CASKIN2: variants seen among roughly 807,000 people sequenced by gnomAD.
CASKIN2 encodes the protein CASK interacting protein 2.
CASKIN2 carries 41 observed loss-of-function variants against 107.1 expected under a neutral mutation model. The ratio of observed to expected loss-of-function variants is 0.38; its 90% CI spans 0.30 to 0.50. The LOEUF (loss-of-function observed/expected upper bound fraction) is 0.50, where lower values mean the gene tolerates loss of function less well. CASKIN2 is among the 20% of genes least tolerant of loss of function. CASKIN2 has a pLI of 0.92. For missense variants in CASKIN2, 1,546 were observed against 1,657.4 expected, an observed-to-expected ratio of 0.93 and a Z score of 1.17; for synonymous variants, 724 against 705.6, an observed-to-expected ratio of 1.03 and a Z score of -0.41.
chr17:75,515,043 C>T (rs1433564864), intron 1 of CASKIN2, among the ~76,000 whole-genome samples: 13 of 152,202 alleles, frequency 8.5e-5, no homozygotes, highest in African/African-American at 3.1e-4. Flanking sequence ...CCCTCACTCC[C>T]CAAACGTCCC....
Position 75,507,044 on chromosome 17 carries a change from G to A in CASKIN2, c.330C>T (p.Ala110=), listed in dbSNP as rs776861821. The A allele has an allele frequency of 5.5e-5, 89 of 1,612,750 alleles. No individual in the cohort carries two copies. Among genetic ancestry groups the A allele is most frequent in the South Asian group, 2.3e-4 (21 of 91,078 alleles). ...GGGGGATCTGTCCGTCCAGCGAGGC[G>A]GCATTGACAGCCGCAGAGGCGCGCA... is the stretch of plus-strand genomic sequence containing the variant. ...LLLRASAAVN[A]ASLDGQIPLH... The change falls in exon 5 of 20, where the codon GCC becomes GCT. Residue 110 remains alanine (A), a synonymous_variant. Coordinates refer to ENST00000321617, the MANE Select transcript of CASKIN2 (RefSeq NM_020753.5).
rs2053326420 is a variant in CASKIN2, at chr17:75,512,909, A to AC, written c.94+801_94+802insG. Among the ~76,000 whole-genome samples the AC allele has an allele frequency of 2.0e-5, 3 of 151,780 alleles. No homozygotes were observed. The South Asian group carries it at 6.3e-4, about 32-fold the overall frequency. ...AGCAAGACTCCGTCTCAAAAAAAAA[A>AC]AACAGCTATCTTATAGATATCCTCT... On this transcript the variant is annotated intron_variant, in intron 2 of 19. Coordinates refer to ENST00000321617, the MANE Select transcript of CASKIN2 (RefSeq NM_020753.5).
At chr17:75,507,984 T>C in intron 3 of CASKIN2, 1 of 589,092 alleles carries the variant, frequency 1.7e-6, no homozygotes, top group Non-Finnish European at 3.0e-6. Context: ...CAAAGGAATC[T>C]GACCCCAGGA....
At position 75,502,467 on chromosome 17, in the gene CASKIN2, C is replaced by A; in HGVS notation, c.2607G>T (p.Pro869=). 8.6e-7 allele frequency: 1 copy of A among 1,156,298 alleles called. No homozygotes were observed. The highest frequency in any genetic ancestry group is 1.1e-6 in the Non-Finnish European group (1 of 925,298). The allele number at this position is 1,156,298 out of a possible 1,614,324, so 71.6% of individuals were successfully genotyped here. A position where few individuals can be genotyped will look rare whatever the true frequency, so the allele number is the denominator to read the frequency against. Residue 869 remains proline, a synonymous_variant, in exon 18 of 20, where the codon CCG becomes CCT. Transcript: ENST00000321617. The surrounding 1 kb of genome is among the most constrained non-coding windows in gnomAD (Gnocchi z 4.3). ...FALRARRKGP[P]PPPPKRLSSV... is the part of the protein sequence containing the mutation. ...AGCTGAGGCGCTTGGGGGGCGGGGG[C>A]GGGGGGCCTTTGCGCCGGGCCCGCA...
chr17:75,504,358 C>T, intron 13 of CASKIN2, 52 bp from the exon 14 acceptor site: 1 of 1,593,940 alleles, frequency 6.3e-7, no homozygotes, highest in Non-Finnish European at 8.6e-7. Flanking sequence ...GAAGGGGTGC[C>T]CACCCTCGGC....
chr17:75,514,404 G>C (rs2053339240), intron 1 of CASKIN2, among the ~76,000 whole-genome samples, 196 bp from the exon 2 acceptor site: 1 of 152,150 alleles, frequency 6.6e-6, no homozygotes, highest in African/African-American at 2.4e-5. Context: ...TATTGGTGGG[G>C]GGGAGGTGGC....
rs2053223252 is a variant in CASKIN2 at position 75,503,185 on chromosome 17, T to C, written c.1889A>G (p.Glu630Gly). 2.5e-6 allele frequency: 4 copies of C among 1,596,446 alleles called. No homozygotes were observed. Among genetic ancestry groups the C allele is most frequent in the Admixed American group, 1.7e-5 (1 of 58,308 alleles). Residue 630 changes from glutamate (E) to glycine (G), a missense_variant, in exon 18 of 20, where the codon GAG (glutamate) becomes GGG (glycine). Coordinates refer to ENST00000321617, the MANE Select transcript of CASKIN2 (RefSeq NM_020753.5). ...CCGGCGCCCGCCTTCGCTGAGGGCC[T>C]CCCCCTGCAGCAGGCCCCGCCGAAG... Reference protein sequence around the residue: ...AELRRGLLQGEALSEGGRRLA... With the variant: ...AELRRGLLQGGALSEGGRRLA...
rs1598460474 is a variant in CASKIN2 at position 75,501,004 on chromosome 17, G to A, written c.*76C>T. The A allele has an allele frequency of 2.2e-6, 3 of 1,391,482 alleles. No homozygotes were observed. The East Asian group carries it at 7.5e-5, about 35-fold the overall frequency. The allele number at this position is 1,391,482 out of a possible 1,614,324, so 86.2% of individuals were successfully genotyped here. ...CTGACCAGCCCTTGGCCCGTCCCTAGGGTGGCAGGGGCCTCTTCTGTGCTG... is the reference window on the plus strand; with the variant it reads ...CTGACCAGCCCTTGGCCCGTCCCTAAGGTGGCAGGGGCCTCTTCTGTGCTG... On this transcript the variant is annotated 3_prime_UTR_variant, in exon 20 of 20. Coordinates refer to ENST00000321617, the MANE Select transcript of CASKIN2 (RefSeq NM_020753.5).
At chr17:75,507,225 C>T in intron 4 of CASKIN2, 96 bp from the exon 5 acceptor site, 1 of 1,376,468 alleles carries the variant, frequency 7.3e-7, no homozygotes, top group East Asian at 2.5e-5. Context: ...GCTGGGAGGG[C>T]AGAGAGCCCA....
rs749328821 is a variant in CASKIN2, at chr17:75,503,022, G to A, written c.2052C>T (p.Gly684=). ...PELQAAMAGG[G]PEPLPLPPAR... ...CAGGTGGGAGGGGGAGTGGTTCAGGGCCACCCCCTGCCATGGCCGCCTGTA... is the reference window on the plus strand; with the variant it reads ...CAGGTGGGAGGGGGAGTGGTTCAGGACCACCCCCTGCCATGGCCGCCTGTA... The change falls in exon 18 of 20, where the codon GGC becomes GGT. Residue 684 remains glycine (G), a synonymous_variant. Coordinates refer to ENST00000321617, the MANE Select transcript of CASKIN2 (RefSeq NM_020753.5). 1.9e-6 allele frequency: 3 copies of A among 1,602,446 alleles called. No homozygotes were observed. The highest frequency in any genetic ancestry group is 1.1e-5 in the South Asian group (1 of 90,372).
Position 75,505,560 on chromosome 17 carries a change from G to T in CASKIN2, c.927C>A (p.Ile309=). 1.9e-6 allele frequency: 3 copies of T among 1,613,460 alleles called. No homozygotes were observed. Among genetic ancestry groups the T allele is most frequent in the Non-Finnish European group, 2.5e-6 (3 of 1,179,902 alleles). Residue 309 remains isoleucine (I), a synonymous_variant, in exon 10 of 20, where the codon ATC becomes ATA. Coordinates refer to ENST00000321617, the MANE Select transcript of CASKIN2 (RefSeq NM_020753.5). The surrounding 1 kb of genome is among the most constrained non-coding windows in gnomAD (Gnocchi z 5.1). ...TALNVRAGDV[I]TVLEQHPDGR... is the part of the protein sequence containing the mutation. ...ATGCCTGCTTGGGGTCCCTCACCGTGATGACATCCCCTGCCCGGACATTGA... is the reference window on the plus strand; with the variant it reads ...ATGCCTGCTTGGGGTCCCTCACCGTTATGACATCCCCTGCCCGGACATTGA...
rs1393438122 is a variant in CASKIN2 at position 75,503,420 on chromosome 17, C to T, written c.1788G>A (p.Glu596=). 5 of 1,612,722 alleles carry T rather than the reference C, an allele frequency of 3.1e-6. No homozygotes were observed. The highest frequency in any genetic ancestry group is 4.2e-6 in the Non-Finnish European group (5 of 1,179,878). The change falls in exon 17 of 20, where the codon GAG becomes GAA. Residue 596 remains glutamate (E), a synonymous_variant. Coordinates refer to ENST00000321617, the MANE Select transcript of CASKIN2 (RefSeq NM_020753.5). ...TGTTGACCCCAATCTCCTGCAGCTC[C>T]TCCCAGGTGAGGTCGGCCACCAGCC... ...SMGLVADLTW[E]ELQEIGVNKL... is the part of the protein sequence containing the mutation.
Position 75,506,013 on chromosome 17 carries a change from C to G in CASKIN2, c.727-84G>C. ...CTCTCAGCTACCCGGGACATAGGTA[C>G]TATTACCATTTTCCGATTTTACAGA... On this transcript the variant is annotated intron_variant, in intron 8 of 19. Coordinates refer to ENST00000321617, the MANE Select transcript of CASKIN2 (RefSeq NM_020753.5). The surrounding 1 kb of genome is among the most constrained non-coding windows in gnomAD (Gnocchi z 4.8). 1.6e-6 allele frequency: 2 copies of G among 1,215,200 alleles called. No individual in the cohort carries two copies. Among genetic ancestry groups the G allele is most frequent in the East Asian group, 2.5e-5 (1 of 40,362 alleles). The allele number at this position is 1,215,200 out of a possible 1,614,324, so 75.3% of individuals were successfully genotyped here. A position where few individuals can be genotyped will look rare whatever the true frequency, so the allele number is the denominator to read the frequency against.
chr17:75,503,936 T>C lies in CASKIN2; in HGVS notation c.1494A>G (p.Leu498=). ...TGTAGCCCTCCAGCTGGAACTCGCT[T>C]AGCCAGTTATGAATGGCCTGCGCGT... ...GKDAQAIHNW[L]SEFQLEGYTA... is the part of the protein sequence containing the mutation. Residue 498 remains leucine, a synonymous_variant, in exon 15 of 20, where the codon CTA becomes CTG. Transcript: ENST00000321617. 6.2e-7 allele frequency: 1 copy of C among 1,612,666 alleles called. No homozygotes were observed. Among genetic ancestry groups the C allele is most frequent in the Non-Finnish European group, 8.5e-7 (1 of 1,179,888 alleles).
rs1413501021 is a variant in CASKIN2, at chr17:75,503,238, G to A, written c.1836C>T (p.Leu612=). 2 of 1,590,876 alleles carry A rather than the reference G, an allele frequency of 1.3e-6. No individual in the cohort carries two copies. The highest frequency in any genetic ancestry group is 1.7e-6 in the Non-Finnish European group (2 of 1,169,670). Residue 612 remains leucine, a synonymous_variant, in exon 18 of 20, where the codon CTC becomes CTT. Coordinates refer to ENST00000321617, the MANE Select transcript of CASKIN2 (RefSeq NM_020753.5). Reference sequence around the variant, plus strand: ...CCGCCAGCCGCTTCACCCCCAGCATGAGCTTCTTCTGATGCCCTGAGATGG... The same window carrying A: ...CCGCCAGCCGCTTCACCCCCAGCATAAGCTTCTTCTGATGCCCTGAGATGG... The part of the protein sequence containing the change: ...GVNKLGHQKK[L]MLGVKRLAEL...
intron 3 of CASKIN2, 82 bp from the exon 4 acceptor site, chr17:75,507,763 C>T (rs1212387775): frequency 9.2e-7 from 1 of 1,091,908 alleles, no homozygotes; most frequent in African/African-American, 1.6e-5. Flanking sequence ...CCGAACCTAT[C>T]CTGGGGGCTG....
At position 75,502,098 on chromosome 17, in the gene CASKIN2, C is replaced by T. The variant is rs2053200243; in HGVS notation, c.2976G>A (p.Arg992=). The part of the protein sequence containing the change: ...FNLTESDTVK[R]RPKCREREPL... ...GCTCTCTCTCCCGGCACTTGGGCCT[C>T]CGCTTAACAGTGTCTGATTCCGTGA... The change falls in exon 18 of 20, where the codon CGG becomes CGA. Residue 992 remains arginine (R), a synonymous_variant. Transcript: ENST00000321617. This position sits in a 1 kb window ranked among gnomAD's most constrained non-coding sequence, Gnocchi z 4.3. 4 of 1,609,226 alleles carry T rather than the reference C, an allele frequency of 2.5e-6. No homozygotes were observed. Among genetic ancestry groups the T allele is most frequent in the South Asian group, 1.1e-5 (1 of 91,080 alleles).
Position 75,504,967 on chromosome 17 carries a change from C to T in CASKIN2, c.1037G>A (p.Ser346Asn), listed in dbSNP as rs774935695. 2 of 1,612,094 alleles carry T rather than the reference C, an allele frequency of 1.2e-6. No individual in the cohort carries two copies. Among genetic ancestry groups the T allele is most frequent in the Middle Eastern group, 1.7e-4 (1 of 6,056 alleles). Residue 346 changes from serine (S) to asparagine (N), a missense_variant, in exon 11 of 20, where the codon AGC (serine) becomes AAC (asparagine). Physicochemically the swap from Ser to Asn is conservative, Grantham distance 46 (BLOSUM62 1). Coordinates refer to ENST00000321617, the MANE Select transcript of CASKIN2 (RefSeq NM_020753.5). The stretch of plus-strand genomic sequence containing the variant: ...GGCTGCAGGGATGCCCACCCGCTTG[C>T]TGACCACCTCGACAATGCCCGGGGG... Reference protein sequence around the residue: ...YFPPGIVEVVSKRVGIPAARL... With the variant: ...YFPPGIVEVVNKRVGIPAARL...
At chr17:75,503,577 G>A in intron 16 of CASKIN2, 50 bp from the exon 17 acceptor site, 1 of 1,603,330 alleles carries the variant, frequency 6.2e-7, no homozygotes, top group Middle Eastern at 1.7e-4. Context: ...TCCGCCCCCA[G>A]CCAGAGGAGA....
Sources: gnomAD v4.1 joint callset for allele counts (sites outside exome capture counted in the v4.1 genomes callset) on GRCh38, gnomAD v4.1.1 for gene constraint, Gnocchi (gnomAD v3.1) non-coding constraint, MANE v1.5 for transcripts, NCBI Gene and HGNC (gene_info 2026-07-23, HGNC 2026-07-21) for gene names.